Variants in DNAH8 observed in about 807,000 individuals in gnomAD.
The protein encoded by DNAH8 is dynein axonemal heavy chain 8.
A neutral mutation model predicts 562.1 loss-of-function variants in DNAH8; 382 were observed. The ratio of observed to expected loss-of-function variants is 0.68; its 90% CI spans 0.63 to 0.74. The LOEUF (loss-of-function observed/expected upper bound fraction) is 0.74. Among genes scored for constraint, DNAH8 ranks in the 30% least tolerant of loss-of-function variants. The pLI is 0.00. For missense variants in DNAH8, 5,203 were observed against 5,620.4 expected (o/e 0.93, Z 2.37); for synonymous variants, 1,881 against 1,919.4 (o/e 0.98, Z 0.52).
chr6:38,891,702 G>A (rs1176808871), intron 58 of DNAH8, among the ~76,000 whole-genome samples: 1 of 152,212 alleles, frequency 6.6e-6, no homozygotes, highest in African/African-American at 2.4e-5. Context: ...GAGCGTCTGA[G>A]ATAGTTTTCC....
At chr6:39,001,554 A>G (rs920305659) in intron 88 of DNAH8, among the ~76,000 whole-genome samples, 1 of 152,134 alleles carries the variant, frequency 6.6e-6, no homozygotes, top group African/African-American at 2.4e-5. Flanking sequence ...ACTTGGGAAC[A>G]GTCAAAGAAA....
chr6:38,770,949 A>C (rs1051524270), intron 12 of DNAH8, among the ~76,000 whole-genome samples: 1 of 152,222 alleles, frequency 6.6e-6, no homozygotes, highest in Non-Finnish European at 1.5e-5. Flanking sequence ...CCTCTTTCTG[A>C]GCCAGTGTAT....
chr6:38,908,452 A>T (rs1441276186), intron 64 of DNAH8, among the ~76,000 whole-genome samples: 1 of 152,210 alleles, frequency 6.6e-6, no homozygotes, highest in African/African-American at 2.4e-5. Context: ...AATGTCTCTG[A>T]TGTAGGTTTG....
At chr6:38,770,671 T>C (rs2127621745) in intron 12 of DNAH8, 112 bp downstream of exon 12, 2 of 1,031,374 alleles carry the variant, frequency 1.9e-6, no homozygotes, top group African/African-American at 1.6e-5. Flanking sequence ...TCCACTATTG[T>C]TATGACTTGT....
Position 38,756,168 on chromosome 6 carries a change from C to G in DNAH8, c.1515+89C>G, listed in dbSNP as rs757385748. 87 of 803,280 alleles carry G rather than the reference C, an allele frequency of 1.1e-4. 1 individual carries two copies. The highest frequency in any genetic ancestry group is 3.2e-4 in the African/African-American group (19 of 58,508). 49.8% of individuals were successfully genotyped at this position (803,280 alleles called of 1,614,324 possible). A position where few individuals can be genotyped will look rare whatever the true frequency, so the allele number is the denominator to read the frequency against. On this transcript the variant is annotated intron_variant, in intron 10 of 92. Coordinates refer to ENST00000327475, the MANE Select transcript of DNAH8 (RefSeq NM_001206927.2). Reference sequence around the variant, plus strand: ...GAGCCCTAGGAAGGGAATTTGGAAGCCTAAGTGCCTCTCAGAGTTTTAATA... The same window carrying G: ...GAGCCCTAGGAAGGGAATTTGGAAGGCTAAGTGCCTCTCAGAGTTTTAATA...
In DNAH8 at chr6:38,723,352, G is replaced by A; in HGVS notation, c.406G>A (p.Ala136Thr). 6.2e-7 allele frequency: 1 copy of A among 1,606,910 alleles called. No individual in the cohort carries two copies. The highest frequency in any genetic ancestry group is 8.5e-7 in the Non-Finnish European group (1 of 1,178,538). The change falls in exon 3 of 93, where the codon GCA (alanine) becomes ACA (threonine). Residue 136 changes from alanine (A) to threonine (T), a missense_variant. Ala to Thr is a moderately conservative substitution (Grantham distance 58). Around this residue, in one of 6 missense-constraint regions of DNAH8, gnomAD observed 556 missense variants for 496.9 expected, o/e 1.12. Coordinates refer to ENST00000327475, the MANE Select transcript of DNAH8 (RefSeq NM_001206927.2). ...LKERQARFRE[A>T]RESRRLKIDP... ...CATTCCTTAGGCAAGATTTAGAGAG[G>A]CAAGGGAAAGCCGAAGACTGAAAAT...
intron 26 of DNAH8, among the ~76,000 whole-genome samples, chr6:38,821,830 G>C (rs1239818034): frequency 6.6e-6 from 1 of 152,180 alleles, no homozygotes; most frequent in Non-Finnish European, 1.5e-5. Flanking sequence ...CCAAAGTGCT[G>C]GGATTCTAGG....
chr6:38,908,860 A>G (rs1461476419), intron 64 of DNAH8, among the ~76,000 whole-genome samples: 1 of 152,152 alleles, frequency 6.6e-6, no homozygotes, highest in East Asian at 1.9e-4. Flanking sequence ...GCTTAGCTCC[A>G]TTCCTGGTGC....
In DNAH8 at chr6:38,911,560, A is replaced by T. The variant is rs911854224; in HGVS notation, c.9833A>T (p.Asn3278Ile). The change falls in exon 66 of 93, where the codon AAT (asparagine) becomes ATT (isoleucine). Residue 3278 changes from asparagine (N) to isoleucine (I), a missense_variant. Coordinates refer to ENST00000327475, the MANE Select transcript of DNAH8 (RefSeq NM_001206927.2). ...TATGCTGAAAAGGTGAAGTTCATTAATGAACAGGCTGAACGTATGAATATT... is the reference window on the plus strand; with the variant it reads ...TATGCTGAAAAGGTGAAGTTCATTATTGAACAGGCTGAACGTATGAATATT... ...NIYAEKVKFINEQAERMNIGL... is the reference protein window; with the variant it reads ...NIYAEKVKFIIEQAERMNIGL... The T allele has an allele frequency of 9.9e-6, 16 of 1,608,268 alleles. No individual in the cohort carries two copies. Among genetic ancestry groups the T allele is most frequent in the Admixed American group, 1.7e-5 (1 of 59,994 alleles).
intron 11 of DNAH8, among the ~76,000 whole-genome samples, chr6:38,765,362 C>A (rs910364631): frequency 5.3e-5 from 8 of 152,032 alleles, no homozygotes; most frequent in Non-Finnish European, 1.2e-4. Flanking sequence ...TTTGGGGTCA[C>A]GTCCAAAAAA....
rs752937674 is a variant in DNAH8, at chr6:38,973,753, T to G, written c.12618T>G (p.Asp4206Glu). The change falls in exon 84 of 93, where the codon GAT becomes GAG. Residue 4206 changes from aspartate to glutamate, a missense_variant. This residue lies in a region of DNAH8 where 1,399 missense variants were observed against 1,518.4 expected (regional missense o/e 0.92). Coordinates refer to ENST00000327475, the MANE Select transcript of DNAH8 (RefSeq NM_001206927.2). ...TAATTACCACTGAAGCCAGTGATGA[T>G]TCTTTCCGAGTATGGATAACTACGG... ...ETLITTEASD[D>E]SFRVWITTEP... is the part of the protein sequence containing the mutation. The G allele has an allele frequency of 2.5e-5, 41 of 1,611,682 alleles. No individual in the cohort carries two copies. The highest frequency in any genetic ancestry group is 8.4e-5 in the Admixed American group (5 of 59,534).
chr6:38,774,114 C>T (rs528289597), intron 12 of DNAH8, among the ~76,000 whole-genome samples: 3 of 152,286 alleles, frequency 2.0e-5, no homozygotes, highest in Non-Finnish European at 4.4e-5. Flanking sequence ...ATGTGTGCAA[C>T]AGTCTTTGCT....
chr6:39,008,830 G>A lies in DNAH8; in HGVS notation c.13231G>A (p.Ala4411Thr). ...TTTTACTAGGTATCAGAGTAACACT[G>A]CTTCTGCTGTTCTTGAAACAATTAC... Reference protein sequence around the residue: ...NADITYQSNTASAVLETITNI... With the variant: ...NADITYQSNTTSAVLETITNI... Residue 4411 changes from alanine to threonine, a missense_variant, in exon 89 of 93, where the codon GCT (alanine) becomes ACT (threonine). Ala to Thr is a moderately conservative substitution (Grantham distance 58, BLOSUM62 0). Coordinates refer to ENST00000327475, the MANE Select transcript of DNAH8 (RefSeq NM_001206927.2). 1 of 1,606,544 alleles carries A rather than the reference G, an allele frequency of 6.2e-7. No homozygotes were observed. Among genetic ancestry groups the A allele is most frequent in the Non-Finnish European group, 8.5e-7 (1 of 1,173,936 alleles).
intron 22 of DNAH8, among the ~76,000 whole-genome samples, chr6:38,804,231 T>C (rs1011657126): frequency 6.6e-6 from 1 of 152,214 alleles, no homozygotes; most frequent in Non-Finnish European, 1.5e-5. Flanking sequence ...TAAGAAAAGA[T>C]TCCCTAGTAG....
intron 36 of DNAH8, among the ~76,000 whole-genome samples, chr6:38,847,489 A>G (rs568802076): frequency 6.6e-6 from 1 of 152,190 alleles, no homozygotes; most frequent in Admixed American, 6.5e-5. Context: ...GAGTATTGGG[A>G]AAAATGCTTC....
intron 41 of DNAH8, among the ~76,000 whole-genome samples, chr6:38,853,612 C>T (rs997189152): frequency 5.9e-5 from 9 of 152,080 alleles, no homozygotes; most frequent in Non-Finnish European, 5.9e-5. Flanking sequence ...CTAATAGATA[C>T]ATATGTAAGC....
chr6:38,963,247 C>CTT (rs1352443567), intron 82 of DNAH8, among the ~76,000 whole-genome samples: 1 of 91,646 alleles, frequency 1.1e-5, no homozygotes, highest in African/African-American at 5.1e-5. Context: ...ACTGGGAGTC[C>CTT]TTTTTCTTTT....
Position 38,862,427 on chromosome 6 carries a change from G to A in DNAH8, c.6279G>A (p.Met2093Ile). The stretch of plus-strand genomic sequence containing the variant: ...TCGTGTTCAATTGCTCAGATCAAAT[G>A]GATTTCAGAGGCCTAGGAAGGATTT... ...YVVVFNCSDQ[M>I]DFRGLGRIFK... The change falls in exon 44 of 93, where the codon ATG becomes ATA. Residue 2093 changes from methionine (M) to isoleucine (I), a missense_variant. Coordinates refer to ENST00000327475, the MANE Select transcript of DNAH8 (RefSeq NM_001206927.2). 1 of 1,613,604 alleles carries A rather than the reference G, an allele frequency of 6.2e-7. No homozygotes were observed.
At chr6:38,752,121 T>TAGA (rs1488754930) in intron 9 of DNAH8, among the ~76,000 whole-genome samples, 3 of 151,314 alleles carry the variant, frequency 2.0e-5, no homozygotes, top group African/African-American at 7.4e-5. Flanking sequence ...TGTTGCTTCT[T>TAGA]CAAGGTATTC....
Sources: gnomAD v4.1 joint callset for allele counts (sites outside exome capture counted in the v4.1 genomes callset) on GRCh38, gnomAD v4.1.1 for gene constraint, gnomAD v4.1.1 regional missense constraint, MANE v1.5 for transcripts, NCBI Gene and HGNC (gene_info 2026-07-23, HGNC 2026-07-21) for gene names.